The following SCN8A variants were observed in gnomAD, a reference collection of about 807,000 sequenced individuals.
SCN8A encodes the protein sodium channel protein type 8 subunit alpha.
Under a neutral mutation model 184.1 loss-of-function variants are expected in SCN8A, and 30 were observed. The observed-to-expected ratio is 0.16, with a 90% CI of 0.12 to 0.22. The LOEUF (loss-of-function observed/expected upper bound fraction) is 0.22, where lower values mean the gene tolerates loss of function less well. SCN8A is among the 10% of genes least tolerant of loss of function. The pLI is 1.00. For missense variants in SCN8A, 1,057 were observed against 2,498.9 expected (o/e 0.42, Z 12.30); for synonymous variants, 852 against 907.0 (o/e 0.94, Z 1.09).
Position 51,786,525 on chromosome 12 carries a change from C to G in SCN8A, c.3943-17C>G, listed in dbSNP as rs1057523298. 2.5e-6 allele frequency: 4 copies of G among 1,613,960 alleles called. No individual in the cohort carries two copies. The highest frequency in any genetic ancestry group is 2.5e-6 in the Non-Finnish European group (3 of 1,179,920). On this transcript the variant is annotated splice_polypyrimidine_tract_variant and intron_variant, in intron 21 of 26. Coordinates refer to ENST00000627620, the MANE Select transcript of SCN8A (RefSeq NM_001330260.2). ...TCATTTCCACCCAACACTGAGCAAC[C>G]TCCCCTTCCAATGCAGGTGGTGGTG...
intron 11 of SCN8A, 22 bp downstream of exon 11, chr12:51,706,737 A>C: frequency 6.8e-7 from 1 of 1,465,842 alleles, no homozygotes; most frequent in Non-Finnish European, 9.0e-7. Flanking sequence ...TTTTTTCTAT[A>C]CCTTTTTCAA....
chr12:51,651,156 C>CAA (rs1940705008), intron 1 of SCN8A, among the ~76,000 whole-genome samples: 1 of 152,194 alleles, frequency 6.6e-6, no homozygotes, highest in Non-Finnish European at 1.5e-5. Flanking sequence ...CACAACCTTC[C>CAA]AGCTTGGGCT....
intron 1 of SCN8A, among the ~76,000 whole-genome samples, chr12:51,659,114 T>G (rs1032474819): frequency 2.6e-5 from 4 of 152,236 alleles, no homozygotes; most frequent in African/African-American, 9.6e-5. Flanking sequence ...AATGGATAAA[T>G]TGTACTACAT....
intron 15 of SCN8A, among the ~76,000 whole-genome samples, chr12:51,764,496 A>G (rs1328673072): frequency 9.9e-5 from 15 of 152,024 alleles, no homozygotes; most frequent in Admixed American, 9.8e-4. Flanking sequence ...TTAGCCGGGC[A>G]TGGTGGTGCA....
At chr12:51,682,294 T>A (rs1414650950) in intron 2 of SCN8A, among the ~76,000 whole-genome samples, 4 of 152,232 alleles carry the variant, frequency 2.6e-5, no homozygotes, top group Non-Finnish European at 4.4e-5. Flanking sequence ...AGAGTTTTCT[T>A]ATGATGTCTT....
intron 26 of SCN8A, among the ~76,000 whole-genome samples, chr12:51,802,894 G>T (rs1207586720): frequency 6.6e-6 from 1 of 152,112 alleles, no homozygotes; most frequent in Non-Finnish European, 1.5e-5. Flanking sequence ...GCATTTTTGG[G>T]TCTAATCAGA....
At chr12:51,757,036 C>G (rs1942686258) in intron 14 of SCN8A, among the ~76,000 whole-genome samples, 1 of 152,180 alleles carries the variant, frequency 6.6e-6, no homozygotes, top group African/African-American at 2.4e-5. Context: ...GCTTCTATAG[C>G]CCCATATGGA....
At chr12:51,800,216 T>C (rs2138930277) in intron 26 of SCN8A, among the ~76,000 whole-genome samples, 1 of 152,370 alleles carries the variant, frequency 6.6e-6, no homozygotes, top group East Asian at 1.9e-4. Context: ...ATTTGCCAAA[T>C]CCGTAGCTGC....
At chr12:51,689,406 T>G in intron 6 of SCN8A, 1 of 270,636 alleles carries the variant, frequency 3.7e-6, no homozygotes, top group Non-Finnish European at 7.0e-6. Context: ...AATCATTTGC[T>G]TCCTGGCTCC....
chr12:51,712,593 T>A (rs1941897128), intron 11 of SCN8A: 7 of 777,740 alleles, frequency 9.0e-6, no homozygotes, highest in Non-Finnish European at 1.6e-5. Flanking sequence ...TGTTGTCCAC[T>A]ATAATTTCTA....
At position 51,792,213 on chromosome 12, in the gene SCN8A, G is replaced by A. The variant is rs183960600; in HGVS notation, c.4524+1711G>A. On this transcript the variant is annotated intron_variant, in intron 25 of 26. Transcript: ENST00000627620. ...GGATGAGAAGGAACTGGCTGGGCAC[G>A]GTAGCTCATACTGTAATCCCAACTT... Among the ~76,000 whole-genome samples, 89 of 151,714 alleles carry A rather than the reference G, an allele frequency of 5.9e-4. 1 individual carries two copies. The highest frequency in any genetic ancestry group is 2.0e-3 in the African/African-American group (84 of 41,330).
chr12:51,777,460 T>C (rs1014156205), intron 20 of SCN8A, among the ~76,000 whole-genome samples: 7 of 152,128 alleles, frequency 4.6e-5, no homozygotes, highest in Non-Finnish European at 8.8e-5. Context: ...CAATTCCTTT[T>C]TTTTGTTGTT....
intron 1 of SCN8A, among the ~76,000 whole-genome samples, chr12:51,627,472 C>T (rs1182822067): frequency 6.6e-6 from 1 of 152,150 alleles, no homozygotes; most frequent in African/African-American, 2.4e-5. Flanking sequence ...ATCTCTGCCT[C>T]CCAGGTTCAA....
chr12:51,619,326 A>G (rs982159420), intron 1 of SCN8A, among the ~76,000 whole-genome samples: 2 of 152,196 alleles, frequency 1.3e-5, no homozygotes, highest in Admixed American at 1.3e-4. Context: ...CAGTAAATAA[A>G]TATTTATTCC....
chr12:51,778,326 C>T (rs189696617), intron 20 of SCN8A, among the ~76,000 whole-genome samples: 66 of 151,808 alleles, frequency 4.3e-4, no homozygotes, highest in Admixed American at 1.5e-3. Context: ...CTCTTTTTGT[C>T]CACGTTGGAG....
chr12:51,704,944 C>T (rs1306754580), intron 9 of SCN8A, among the ~76,000 whole-genome samples: 3 of 151,984 alleles, frequency 2.0e-5, no homozygotes, highest in African/African-American at 7.3e-5. Flanking sequence ...CATCACACTC[C>T]AGCCTAGGTG....
chr12:51,706,766 G>T, intron 11 of SCN8A, 51 bp downstream of exon 11: 1 of 1,291,496 alleles, frequency 7.7e-7, no homozygotes, highest in Non-Finnish European at 1.0e-6. Context: ...TTTTTATTAA[G>T]GTAAAATGTG....
intron 11 of SCN8A, among the ~76,000 whole-genome samples, chr12:51,721,106 T>TATATATATATATATATATATATATATAA (rs1179556945): frequency 2.1e-4 from 22 of 106,104 alleles, no homozygotes; most frequent in African/African-American, 7.0e-4. Flanking sequence ...TATATATATA[T>TATATATATATATATATATATATATATAA]AATATTTATT....
intron 8 of SCN8A, 61 bp from the exon 9 acceptor site, chr12:51,702,712 C>T: frequency 7.3e-7 from 1 of 1,361,876 alleles, no homozygotes; most frequent in Non-Finnish European, 9.7e-7. Context: ...TTTATTATCT[C>T]CAAGGTCATG....
Sources: gnomAD v4.1 joint callset for allele counts (sites outside exome capture counted in the v4.1 genomes callset) on GRCh38, gnomAD v4.1.1 for gene constraint, MANE v1.5 for transcripts, NCBI Gene and HGNC (gene_info 2026-07-23, HGNC 2026-07-21) for gene names.